CFAP57: variants seen among roughly 807,000 people sequenced by gnomAD.
CFAP57 encodes cilia and flagella associated protein 57.
In CFAP57, 116 loss-of-function variants were observed where a neutral mutation model predicts 146.8. The ratio of observed to expected loss-of-function variants is 0.79; its 90% CI spans 0.68 to 0.92. The LOEUF (loss-of-function observed/expected upper bound fraction) is 0.92. Among genes scored for constraint, CFAP57 ranks in the 40% least tolerant of loss-of-function variants. The pLI, the probability that CFAP57 is intolerant of heterozygous loss-of-function variation, is 0.00. For synonymous variants in CFAP57, 518 were observed against 552.8 expected, an observed-to-expected ratio of 0.94 and a Z score of 0.88; for missense variants, 1,377 against 1,527.2, an observed-to-expected ratio of 0.90 and a Z score of 1.64.
intron 10 of CFAP57, among the ~76,000 whole-genome samples, chr1:43,208,351 G>A (rs565744299): frequency 6.4e-4 from 98 of 152,240 alleles, no homozygotes; most frequent in African/African-American, 2.1e-3. Context: ...ACATGCACAC[G>A]TATGTTTATT....
intron 10 of CFAP57, among the ~76,000 whole-genome samples, chr1:43,207,555 CGTG>C (rs1444624511): frequency 2.0e-5 from 3 of 152,146 alleles, no homozygotes; most frequent in African/African-American, 7.2e-5. Context: ...GTGATGTTTG[CGTG>C]ACAAAATAGC....
At chr1:43,226,720 C>T (rs1645255790) in intron 17 of CFAP57, among the ~76,000 whole-genome samples, 1 of 152,176 alleles carries the variant, frequency 6.6e-6, no homozygotes, top group South Asian at 2.1e-4. Context: ...GCTGTGGGGG[C>T]CATCGTTGGA....
At chr1:43,226,899 A>C in intron 17 of CFAP57, 84 bp from the exon 18 acceptor site, 2 of 1,387,426 alleles carry the variant, frequency 1.4e-6, no homozygotes, top group South Asian at 1.8e-5. Flanking sequence ...GGAGAGTCAC[A>C]GGCTTCGTGC....
chr1:43,232,936 G>A (rs765200640), intron 19 of CFAP57, among the ~76,000 whole-genome samples: 4 of 152,184 alleles, frequency 2.6e-5, no homozygotes, highest in Non-Finnish European at 2.9e-5. Flanking sequence ...GCAATTTGTC[G>A]CCGCTGGTTT....
chr1:43,237,849 C>T (rs752214185), intron 21 of CFAP57, among the ~76,000 whole-genome samples: 3 of 152,190 alleles, frequency 2.0e-5, no homozygotes, highest in Admixed American at 2.0e-4. Context: ...TGTAAACAGG[C>T]TCCACCCAAG....
rs750092087 is a variant in CFAP57, at chr1:43,186,864, G to C, written c.1122+5G>C. On this transcript the variant is annotated splice_donor_5th_base_variant and intron_variant, in intron 6 of 22. Coordinates refer to ENST00000372492, the MANE Select transcript of CFAP57 (RefSeq NM_001378189.1). ...TCCCTGACAGAGATCAGCAAGGTGAGTCTTTCCAGCAATGGTCCTTCCAGA... is the reference window on the plus strand; with the variant it reads ...TCCCTGACAGAGATCAGCAAGGTGACTCTTTCCAGCAATGGTCCTTCCAGA... 2.5e-6 allele frequency: 4 copies of C among 1,614,012 alleles called. No homozygotes were observed. Among genetic ancestry groups the C allele is most frequent in the East Asian group, 2.2e-5 (1 of 44,898 alleles).
rs199613137 is a variant in CFAP57, at chr1:43,186,778, C to T, written c.1041C>T (p.Ser347=). The T allele has an allele frequency of 6.2e-7, 1 of 1,614,182 alleles. No individual in the cohort carries two copies. The highest frequency in any genetic ancestry group is 2.2e-5 in the East Asian group (1 of 44,878). ...AGGACGTTCTCTGCCTGTGCTTCAG[C>T]CCCTCAGAGGAAACTCTGGTTGCCA... ...DKQDVLCLCF[S]PSEETLVAST... The change falls in exon 6 of 23, where the codon AGC becomes AGT. Residue 347 remains serine (S), a synonymous_variant. Transcript: ENST00000372492.
At chr1:43,223,095 C>T in intron 16 of CFAP57, 98 bp downstream of exon 16, 3 of 1,298,148 alleles carry the variant, frequency 2.3e-6, no homozygotes, top group South Asian at 1.6e-5. Flanking sequence ...TGGCCAGGGT[C>T]CTGCCTGTCC....
rs1266801370 is a variant in CFAP57, at chr1:43,254,335, A to G, written c.*144A>G. ...TCTCTTGCCCTGGGGAATTTGGGAC[A>G]CAGAATAAAGGTGTTTGCCCACACC... On this transcript the variant is annotated 3_prime_UTR_variant, in exon 23 of 23. Transcript: ENST00000372492. 1.3e-6 allele frequency: 1 copy of G among 740,988 alleles called. No homozygotes were observed. Among genetic ancestry groups the G allele is most frequent in the African/African-American group, 1.8e-5 (1 of 56,318 alleles). 45.9% of individuals were successfully genotyped at this position (740,988 alleles called of 1,614,324 possible). A position where few individuals can be genotyped will look rare whatever the true frequency, so the allele number is the denominator to read the frequency against.
intron 18 of CFAP57, among the ~76,000 whole-genome samples, chr1:43,231,085 T>C (rs2124604294): frequency 6.6e-6 from 1 of 152,346 alleles, no homozygotes; most frequent in South Asian, 2.1e-4. Context: ...ATTGCTCTCC[T>C]TTGTCCACCA....
At chr1:43,190,233 G>C (rs1398825812) in intron 6 of CFAP57, among the ~76,000 whole-genome samples, 2 of 139,078 alleles carry the variant, frequency 1.4e-5, no homozygotes, top group African/African-American at 5.4e-5. Flanking sequence ...TCCTTGTCTT[G>C]TTCCTAATCT....
chr1:43,252,104 G>T (rs961852901), intron 22 of CFAP57, among the ~76,000 whole-genome samples: 1 of 152,028 alleles, frequency 6.6e-6, no homozygotes, highest in Non-Finnish European at 1.5e-5. Flanking sequence ...GTTTACTATT[G>T]CAGGCACATT....
At chr1:43,243,152 GC>G in intron 21 of CFAP57, 74 bp from the exon 22 acceptor site, 1 of 1,504,254 alleles carries the variant, frequency 6.6e-7, no homozygotes, top group Non-Finnish European at 8.9e-7. Context: ...CATACACTCA[GC>G]CCAGGAGGGT....
At chr1:43,200,191 A>G (rs975838891) in intron 9 of CFAP57, among the ~76,000 whole-genome samples, 2 of 152,204 alleles carry the variant, frequency 1.3e-5, no homozygotes, top group Admixed American at 1.3e-4. Flanking sequence ...ATGGATTCAA[A>G]TGATTTTAGA....
intron 22 of CFAP57, among the ~76,000 whole-genome samples, chr1:43,247,215 C>G (rs1646143148): frequency 6.6e-6 from 1 of 152,136 alleles, no homozygotes; most frequent in South Asian, 2.1e-4. Context: ...CAAAAGAGAA[C>G]AAACAGCAAA....
chr1:43,224,913 C>T (rs1216560356), intron 17 of CFAP57, among the ~76,000 whole-genome samples: 2 of 152,170 alleles, frequency 1.3e-5, no homozygotes, highest in East Asian at 3.9e-4. Flanking sequence ...CCTCGAGCAA[C>T]TTCTCTAAGC....
chr1:43,240,176 G>A (rs1190382523), intron 21 of CFAP57, among the ~76,000 whole-genome samples: 2 of 151,842 alleles, frequency 1.3e-5, no homozygotes, highest in African/African-American at 4.8e-5. Context: ...AAACTGGGGA[G>A]ACCGAAGAAT....
At chr1:43,232,716 C>A in intron 19 of CFAP57, 92 bp downstream of exon 19, 3 of 822,334 alleles carry the variant, frequency 3.6e-6, no homozygotes, top group South Asian at 2.2e-5. Context: ...AGAGCCAGCC[C>A]ACTGCGAGGA....
intron 7 of CFAP57, 117 bp from the exon 8 acceptor site, chr1:43,198,364 A>C: frequency 8.5e-7 from 1 of 1,177,920 alleles, no homozygotes; most frequent in Non-Finnish European, 1.2e-6. Flanking sequence ...AGGAACCAAC[A>C]ATTGCAAACA....
Sources: allele counts gnomAD v4.1 joint callset (sites outside exome capture counted in the v4.1 genomes callset), GRCh38; gene constraint gnomAD v4.1.1; transcripts MANE v1.5; gene names NCBI Gene and HGNC (gene_info 2026-07-23, HGNC 2026-07-21).